SPTLC2: variants seen among roughly 807,000 people sequenced by gnomAD.
The protein encoded by SPTLC2 is serine palmitoyltransferase 2.
SPTLC2 carries 21 observed loss-of-function variants against 62.0 expected under a neutral mutation model. The observed-to-expected ratio is 0.34, with a 90% confidence interval of 0.24 to 0.49. The LOEUF is 0.49. Among genes scored for constraint, SPTLC2 ranks in the 20% least tolerant of loss-of-function variants. The pLI, the probability that SPTLC2 is intolerant of heterozygous loss-of-function variation, is 0.99. For missense variants in SPTLC2, 511 were observed against 713.0 expected, an observed-to-expected ratio of 0.72 and a Z score of 3.23; for synonymous variants, 261 against 261.8, an observed-to-expected ratio of 1.00 and a Z score of 0.03.
At chr14:77,529,777 C>A (rs1178857431) in intron 9 of SPTLC2, among the ~76,000 whole-genome samples, 1 of 151,812 alleles carries the variant, frequency 6.6e-6, no homozygotes, top group Non-Finnish European at 1.5e-5. Flanking sequence ...TGTGCGCCAC[C>A]ATGCCTGGCT....
intron 4 of SPTLC2, among the ~76,000 whole-genome samples, chr14:77,576,269 A>G (rs1429889852): frequency 2.6e-5 from 4 of 152,110 alleles, no homozygotes; most frequent in African/African-American, 9.7e-5. Context: ...TTACTCTTTT[A>G]TATTTTACAA....
At chr14:77,597,165 C>T (rs1363093956) in intron 2 of SPTLC2, 21 bp downstream of exon 2, 4 of 1,611,674 alleles carry the variant, frequency 2.5e-6, no homozygotes, top group Middle Eastern at 3.3e-4. Context: ...TTTACAGAAT[C>T]AAAAACTCTC....
At chr14:77,548,280 C>T (rs1016557919) in intron 9 of SPTLC2, among the ~76,000 whole-genome samples, 3 of 152,156 alleles carry the variant, frequency 2.0e-5, no homozygotes, top group African/African-American at 4.8e-5. Flanking sequence ...GCCAATCATG[C>T]GTGCATTCAT....
intron 11 of SPTLC2, among the ~76,000 whole-genome samples, chr14:77,514,062 A>G (rs1450549738): frequency 2.0e-5 from 3 of 151,994 alleles, no homozygotes; most frequent in Non-Finnish European, 4.4e-5. Flanking sequence ...TGGCAGGCAT[A>G]GTCCCAGCTA....
At chr14:77,546,409 T>A (rs2079528011) in intron 9 of SPTLC2, among the ~76,000 whole-genome samples, 1 of 152,240 alleles carries the variant, frequency 6.6e-6, no homozygotes, top group African/African-American at 2.4e-5. Flanking sequence ...TATAGAAAGT[T>A]ATTATATAAG....
At chr14:77,557,423 C>T in intron 6 of SPTLC2, 1 of 449,278 alleles carries the variant, frequency 2.2e-6, no homozygotes, top group Non-Finnish European at 4.1e-6. Flanking sequence ...ACCAGTGTCT[C>T]ATGTTAAATA....
chr14:77,524,491 C>T (rs12885954), intron 9 of SPTLC2, among the ~76,000 whole-genome samples: 13,619 of 151,816 alleles, frequency 0.09, 1,368 homozygotes, highest in East Asian at 0.56. Context: ...ACCATACAAT[C>T]CAGCAATCCC....
chr14:77,588,237 T>C (rs377638720), intron 2 of SPTLC2, among the ~76,000 whole-genome samples: 1 of 152,184 alleles, frequency 6.6e-6, no homozygotes, highest in Non-Finnish European at 1.5e-5. Flanking sequence ...CACACCCAGC[T>C]GGAAAATGTA....
At chr14:77,564,397 GCATACACACACACACACA>G (rs762601840) in intron 5 of SPTLC2, among the ~76,000 whole-genome samples, 1 of 99,786 alleles carries the variant, frequency 1.0e-5, no homozygotes, top group East Asian at 3.0e-4. Context: ...CTTTATGCAT[GCATACACACACACACACA>G]CACACACACA....
chr14:77,593,325 T>C (rs974062353), intron 2 of SPTLC2, among the ~76,000 whole-genome samples: 1 of 152,188 alleles, frequency 6.6e-6, no homozygotes, highest in Non-Finnish European at 1.5e-5. Flanking sequence ...TTTCATTTTG[T>C]AGAGATGAGG....
At chr14:77,557,835 T>C (rs1342097865) in intron 6 of SPTLC2, among the ~76,000 whole-genome samples, 2 of 152,170 alleles carry the variant, frequency 1.3e-5, no homozygotes, top group South Asian at 2.1e-4. Context: ...TGGTGGTTAA[T>C]GGGCCTGGAA....
intron 9 of SPTLC2, chr14:77,535,981 ACTTCATG>A: frequency 2.2e-6 from 1 of 455,362 alleles, no homozygotes; most frequent in South Asian, 1.6e-5. Context: ...TGTTTGGACA[ACTTCATG>A]AATAGTGATG....
At position 77,597,213 on chromosome 14, in the gene SPTLC2, G is replaced by T. The variant is rs751864113; in HGVS notation, c.300C>A (p.His100Gln). Reference sequence around the variant, plus strand: ...TTTGTTCTTCTCTTTCTGTTGCATGGTGACACTTTTCAATTCTCCAATACC... The same window carrying T: ...TTTGTTCTTCTCTTTCTGTTGCATGTTGACACTTTTCAATTCTCCAATACC... ...FLRYWRIEKC[H>Q]HATEREEQKD... The change falls in exon 2 of 12, where the codon CAC (histidine) becomes CAA (glutamine). Residue 100 changes from histidine (H) to glutamine (Q), a missense_variant. Physicochemically the swap from His to Gln is conservative, Grantham distance 24 (BLOSUM62 0). Coordinates refer to ENST00000216484, the MANE Select transcript of SPTLC2 (RefSeq NM_004863.4). 4 of 1,614,070 alleles carry T rather than the reference G, an allele frequency of 2.5e-6. No individual in the cohort carries two copies. In the East Asian group the frequency reaches 8.9e-5, roughly 36 times the overall value.
intron 1 of SPTLC2, among the ~76,000 whole-genome samples, chr14:77,600,754 A>G (rs777859952): frequency 5.3e-5 from 8 of 152,220 alleles, no homozygotes; most frequent in Non-Finnish European, 1.0e-4. Context: ...CAGTAATATT[A>G]CTGTTTAAGA....
intron 9 of SPTLC2, among the ~76,000 whole-genome samples, chr14:77,541,251 G>C (rs2079499364): frequency 6.6e-6 from 1 of 152,002 alleles, no homozygotes. Context: ...TGTTGCCCAA[G>C]CTGGTCTTGA....
At chr14:77,544,100 T>C (rs531676087) in intron 9 of SPTLC2, among the ~76,000 whole-genome samples, 5 of 152,222 alleles carry the variant, frequency 3.3e-5, no homozygotes, top group South Asian at 2.1e-4. Flanking sequence ...TGATCATAGC[T>C]GGGTTTGTGC....
intron 1 of SPTLC2, among the ~76,000 whole-genome samples, chr14:77,614,484 G>A (rs2079954538): frequency 1.3e-5 from 2 of 152,090 alleles, no homozygotes; most frequent in South Asian, 4.1e-4. Context: ...CTAACACAGT[G>A]AAACCCCGTA....
intron 5 of SPTLC2, among the ~76,000 whole-genome samples, chr14:77,566,147 TC>T (rs2079643762): frequency 6.6e-6 from 1 of 152,146 alleles, no homozygotes; most frequent in African/African-American, 2.4e-5. Context: ...AGCATTATGT[TC>T]TTTTTTTCTG....
intron 4 of SPTLC2, among the ~76,000 whole-genome samples, chr14:77,571,131 T>A (rs1269642080): frequency 2.0e-5 from 3 of 152,180 alleles, no homozygotes; most frequent in Non-Finnish European, 2.9e-5. Flanking sequence ...CTCCCTAAAT[T>A]GCAGAATCAT....
Sources: gnomAD v4.1 joint callset for allele counts (sites outside exome capture counted in the v4.1 genomes callset) on GRCh38, gnomAD v4.1.1 for gene constraint, MANE v1.5 for transcripts, NCBI Gene and HGNC (gene_info 2026-07-23, HGNC 2026-07-21) for gene names.